CDH15: variants seen among roughly 807,000 people sequenced by gnomAD.
CDH15 encodes cadherin 15.
A neutral mutation model predicts 69.4 loss-of-function variants in CDH15; 73 were observed. The observed-to-expected ratio is 1.05, with a 90% CI of 0.87 to 1.28. The LOEUF is 1.28. Among genes scored for constraint, CDH15 ranks in the 50% most tolerant of loss-of-function variants. CDH15 has a pLI of 0.00. For missense variants in CDH15, 1,343 were observed against 1,133.6 expected (o/e 1.18, Z -2.65); for synonymous variants, 624 against 507.7 (o/e 1.23, Z -3.08).
At chr16:89,179,691 A>G in intron 2 of CDH15, 117 bp downstream of exon 2, 1 of 1,067,700 alleles carries the variant, frequency 9.4e-7, no homozygotes, top group African/African-American at 1.6e-5. Flanking sequence ...GACAGAGCTG[A>G]GGCAGGACTC....
chr16:89,191,562 C>T, intron 9 of CDH15, 90 bp downstream of exon 9: 3 of 1,584,310 alleles, frequency 1.9e-6, no homozygotes, highest in East Asian at 4.6e-5. Flanking sequence ...GCCCATGTCG[C>T]CCGGGGGCTC....
chr16:89,179,944 C>T (rs546752777), intron 2 of CDH15, among the ~76,000 whole-genome samples: 10 of 152,336 alleles, frequency 6.6e-5, no homozygotes, highest in Admixed American at 2.6e-4. Context: ...TACCCAAAAT[C>T]GCCCCAGAGA....
chr16:89,184,975 A>G (rs1229044270), intron 4 of CDH15, among the ~76,000 whole-genome samples, 198 bp from the exon 5 acceptor site: 2 of 152,196 alleles, frequency 1.3e-5, no homozygotes, highest in Non-Finnish European at 2.9e-5. Context: ...GGGCAGCGGG[A>G]AGCATCTCGA....
In CDH15 at chr16:89,179,565, C is replaced by G. The variant is rs764989466; in HGVS notation, c.192C>G (p.Pro64=). The G allele has an allele frequency of 5.7e-6, 9 of 1,591,852 alleles. No individual in the cohort carries two copies. The Middle Eastern group carries it at 5.0e-4, about 89-fold the overall frequency. Residue 64 remains proline, a synonymous_variant, in exon 2 of 14, where the codon CCC becomes CCG. Coordinates refer to ENST00000289746, the MANE Select transcript of CDH15 (RefSeq NM_004933.3). ...AGAACCACAAGCGTCTCCCCTACCC[C>G]CTGGTTCAGGTGAGCAGGTGGAGGG... ...VSENHKRLPY[P]LVQIKSDKQQ...
rs1426405627 is a variant in CDH15 at position 89,191,739 on chromosome 16, C to G, written c.1460C>G (p.Pro487Arg). The change falls in exon 10 of 14, where the codon CCG becomes CGG. Residue 487 changes from proline to arginine, a missense_variant. Physicochemically the swap from Pro to Arg is moderately radical, Grantham distance 103. Transcript: ENST00000289746. ...NDHAPVLAPPPPGSLCSEPHQ... is the reference protein window; with the variant it reads ...NDHAPVLAPPRPGSLCSEPHQ... Reference sequence around the variant, plus strand: ...CATGCACCTGTGCTGGCCCCGCCGCCGCCGGGCAGCCTGTGCAGCGAGCCA... The same window carrying G: ...CATGCACCTGTGCTGGCCCCGCCGCGGCCGGGCAGCCTGTGCAGCGAGCCA... 4 of 1,604,370 alleles carry G rather than the reference C, an allele frequency of 2.5e-6. No individual in the cohort carries two copies. Among genetic ancestry groups the G allele is most frequent in the Non-Finnish European group, 3.4e-6 (4 of 1,179,196 alleles).
chr16:89,195,094 A>G lies in CDH15; in HGVS notation c.2384A>G (p.Gln795Arg), dbSNP rs769835635. The change falls in exon 14 of 14, where the codon CAG (glutamine) becomes CGG (arginine). Residue 795 changes from glutamine to arginine, a missense_variant. Physicochemically the swap from Gln to Arg is conservative, Grantham distance 43. Coordinates refer to ENST00000289746, the MANE Select transcript of CDH15 (RefSeq NM_004933.3). The part of the protein sequence containing the change: ...GLEYGARWDH[Q>R]AREGLSPGAL... ...GAGTACGGGGCCAGATGGGACCACC[A>G]GGCCAGGGAGGGTCTTTCTCCTGGG... The G allele has an allele frequency of 2.5e-5, 41 of 1,609,878 alleles. 1 individual carries two copies. The highest frequency in any genetic ancestry group is 3.4e-4 in the Middle Eastern group (2 of 5,944).
intron 1 of CDH15, among the ~76,000 whole-genome samples, chr16:89,176,688 T>A (rs2151597902): frequency 1.3e-5 from 2 of 149,652 alleles, no homozygotes; most frequent in South Asian, 4.2e-4. Context: ...ATGAAGGAGC[T>A]CAGGAGCAGG....
At chr16:89,176,559 G>A (rs1400384640) in intron 1 of CDH15, among the ~76,000 whole-genome samples, 1 of 152,206 alleles carries the variant, frequency 6.6e-6, no homozygotes, top group Admixed American at 6.5e-5. Flanking sequence ...GCACAATGTG[G>A]GGAGCTGTTC....
intron 3 of CDH15, chr16:89,182,515 G>C: frequency 6.6e-6 from 1 of 151,548 alleles, no homozygotes; most frequent in East Asian, 2.0e-4. Flanking sequence ...GGTGGCACGC[G>C]CCTGTAATCC....
rs1036892022 is a variant in CDH15, at chr16:89,194,167, A to G, written c.2151+254A>G. ...ATGGAGTGGCGATGGCCACAGACCC[A>G]TCCACTGCCCCGTGTCCACCATGGA... is the stretch of plus-strand genomic sequence containing the variant. On this transcript the variant is annotated intron_variant, in intron 13 of 13. Transcript: ENST00000289746. 2.6e-5 allele frequency among the ~76,000 whole-genome samples: 4 copies of G among 152,264 alleles called. No individual in the cohort carries two copies. In the South Asian group the frequency reaches 8.3e-4, roughly 32 times the overall value.
At chr16:89,193,326 C>CA in intron 11 of CDH15, 144 bp from the exon 12 acceptor site, 1 of 711,930 alleles carries the variant, frequency 1.4e-6, no homozygotes, top group Non-Finnish European at 2.3e-6. Context: ...CAGACACGCC[C>CA]TTTCCCCAAC....
At position 89,171,874 on chromosome 16, in the gene CDH15, G is replaced by T; in HGVS notation, c.42+1G>T. 1 of 1,556,934 alleles carries T rather than the reference G, an allele frequency of 6.4e-7. No homozygotes were observed. The highest frequency in any genetic ancestry group is 1.4e-5 in the African/African-American group (1 of 73,786). ...CCTCGTCCTCGGGCTGTTGGCCCAG[G>T]TAAGGCATCGGCACCTGCGGGGGTC... On this transcript the variant is annotated splice_donor_variant, in intron 1 of 13. Transcript: ENST00000289746. LOFTEE classifies it high-confidence loss of function.
chr16:89,186,900 C>T (rs1244169756), intron 5 of CDH15, among the ~76,000 whole-genome samples: 6 of 150,008 alleles, frequency 4.0e-5, no homozygotes, highest in African/African-American at 1.5e-4. Context: ...AAACACCCAG[C>T]ACACAGTAGG....
rs1915647058 is a variant in CDH15, at chr16:89,191,732, C to G, written c.1453C>G (p.Pro485Ala). The G allele has an allele frequency of 1.2e-6, 2 of 1,603,216 alleles. No individual in the cohort carries two copies. The highest frequency in any genetic ancestry group is 2.7e-5 in the African/African-American group (2 of 74,708). The change falls in exon 10 of 14, where the codon CCG becomes GCG. Residue 485 changes from proline to alanine, a missense_variant. Coordinates refer to ENST00000289746, the MANE Select transcript of CDH15 (RefSeq NM_004933.3). The part of the protein sequence containing the change: ...EVNDHAPVLA[P>A]PPPGSLCSEP... ...GAACGACCATGCACCTGTGCTGGCC[C>G]CGCCGCCGCCGGGCAGCCTGTGCAG...
At position 89,193,926 on chromosome 16, in the gene CDH15, G is replaced by T. The variant is rs1160315382; in HGVS notation, c.2151+13G>T. 1 of 1,611,288 alleles carries T rather than the reference G, an allele frequency of 6.2e-7. No homozygotes were observed. On this transcript the variant is annotated intron_variant, in intron 13 of 13. Transcript: ENST00000289746. ...CTTCATCAATGATGTAGGTGCTCCT[G>T]GGGACACCCCAGTACACACAGGCAC...
At chr16:89,175,248 G>A (rs1292147653) in intron 1 of CDH15, among the ~76,000 whole-genome samples, 1 of 152,246 alleles carries the variant, frequency 6.6e-6, no homozygotes, top group African/African-American at 2.4e-5. Flanking sequence ...GCCCAGGTTT[G>A]GTGGCAGCTG....
rs1383091008 is a variant in CDH15 at position 89,192,428 on chromosome 16, C to T, written c.1839C>T (p.Ser613=). The change falls in exon 11 of 14, where the codon AGC becomes AGT. Residue 613 remains serine, a synonymous_variant. Transcript: ENST00000289746. ...SLGALVIVLA[S]ALLLLVLVLL... is the part of the protein sequence containing the mutation. Reference sequence around the variant, plus strand: ...GCGCACTGGTCATCGTGCTGGCCAGCGCCCTCCTGCTGCTGGGTGAGTGAG... The same window carrying T: ...GCGCACTGGTCATCGTGCTGGCCAGTGCCCTCCTGCTGCTGGGTGAGTGAG... The T allele has an allele frequency of 1.9e-6, 3 of 1,553,786 alleles. No individual in the cohort carries two copies. Among genetic ancestry groups the T allele is most frequent in the Non-Finnish European group, 8.6e-7 (1 of 1,157,086 alleles).
intron 7 of CDH15, among the ~76,000 whole-genome samples, 169 bp downstream of exon 7, chr16:89,188,454 C>T (rs1179312904): frequency 5.2e-5 from 6 of 115,946 alleles, no homozygotes; most frequent in African/African-American, 1.9e-4. Flanking sequence ...ACACACATGC[C>T]GGCACACACA....
At chr16:89,175,577 G>A (rs1448186420) in intron 1 of CDH15, among the ~76,000 whole-genome samples, 2 of 152,216 alleles carry the variant, frequency 1.3e-5, no homozygotes, top group Admixed American at 6.5e-5. Flanking sequence ...GAGGGGGAGA[G>A]GGAGGTGCAA....
Sources: gnomAD v4.1 joint callset for allele counts (sites outside exome capture counted in the v4.1 genomes callset) on GRCh38, gnomAD v4.1.1 for gene constraint, MANE v1.5 for transcripts, NCBI Gene and HGNC (gene_info 2026-07-23, HGNC 2026-07-21) for gene names.